The following FBXL17 variants were observed in gnomAD, a reference collection of about 807,000 sequenced individuals.
The protein encoded by FBXL17 is F-box and leucine rich repeat protein 17.
FBXL17 carries 22 observed loss-of-function variants against 66.2 expected under a neutral mutation model. The ratio of observed to expected loss-of-function variants is 0.33; its 90% CI spans 0.24 to 0.47. The LOEUF is 0.47. FBXL17 is among the 20% of genes least tolerant of loss of function. The pLI, the probability that FBXL17 is intolerant of heterozygous loss-of-function variation, is 1.00. For synonymous variants in FBXL17, 474 were observed against 400.5 expected (o/e 1.18, Z -2.19); for missense variants, 878 against 948.2 (o/e 0.93, Z 0.97).
At chr5:107,957,588 GT>G (rs1359949631) in intron 7 of FBXL17, among the ~76,000 whole-genome samples, 1 of 152,016 alleles carries the variant, frequency 6.6e-6, no homozygotes, top group Admixed American at 6.6e-5. Flanking sequence ...TGACATATGC[GT>G]TCTAAATTTG....
At position 108,009,194 on chromosome 5, in the gene FBXL17, CATATATATATATATATATAT is replaced by C. The variant is rs373679985; in HGVS notation, c.1822+11711_1822+11730del. On this transcript the variant is annotated intron_variant, in intron 7 of 8. Coordinates refer to ENST00000542267, the MANE Select transcript of FBXL17 (RefSeq NM_001163315.3). The stretch of plus-strand genomic sequence containing the variant: ...GTATGAACATAGTTCATTTGAAAAG[CATATATATATATATATATAT>C]ATATATATATATATATATACAGCTT... Among the ~76,000 whole-genome samples, 38 of 54,158 alleles carry C rather than the reference CATATATATATATATATATAT, an allele frequency of 7.0e-4. No individual in the cohort carries two copies. The South Asian group carries it at 0.032, about 45-fold the overall frequency. 35.5% of individuals were successfully genotyped at this position (54,158 alleles called of 152,430 possible).
chr5:108,020,150 C>G (rs1754534402), intron 7 of FBXL17, among the ~76,000 whole-genome samples: 1 of 151,656 alleles, frequency 6.6e-6, no homozygotes, highest in African/African-American at 2.4e-5. Flanking sequence ...AGAATATTCT[C>G]AAATTTAAAT....
chr5:107,893,744 GTC>G (rs2112521263), intron 7 of FBXL17, among the ~76,000 whole-genome samples: 1 of 152,274 alleles, frequency 6.6e-6, no homozygotes, highest in Admixed American at 6.5e-5. Context: ...ACTTTAATGA[GTC>G]TCTGACACCT....
At chr5:107,891,528 GCT>G (rs1749196361) in intron 7 of FBXL17, among the ~76,000 whole-genome samples, 1 of 152,150 alleles carries the variant, frequency 6.6e-6, no homozygotes, top group Non-Finnish European at 1.5e-5. Flanking sequence ...TTGGCCTAGG[GCT>G]GCATAATAGA....
intron 7 of FBXL17, among the ~76,000 whole-genome samples, chr5:107,918,570 T>C (rs933411816): frequency 6.6e-6 from 1 of 152,156 alleles, no homozygotes; most frequent in Non-Finnish European, 1.5e-5. Context: ...AACAAGAATA[T>C]GGATAAGTTT....
chr5:108,023,818 G>A (rs988055656), intron 6 of FBXL17, among the ~76,000 whole-genome samples: 19 of 152,148 alleles, frequency 1.2e-4, no homozygotes, highest in Non-Finnish European at 2.6e-4. Flanking sequence ...AGCAAGTTAA[G>A]AGGCATTTAT....
intron 7 of FBXL17, among the ~76,000 whole-genome samples, chr5:107,930,350 C>A (rs967706310): frequency 6.6e-6 from 1 of 152,158 alleles, no homozygotes; most frequent in Non-Finnish European, 1.5e-5. Context: ...AGTTTCTTTA[C>A]CCAGCTGTTC....
At chr5:108,191,060 T>C (rs1192709779) in intron 5 of FBXL17, among the ~76,000 whole-genome samples, 1 of 152,210 alleles carries the variant, frequency 6.6e-6, no homozygotes, top group African/African-American at 2.4e-5. Context: ...ATATGACTCT[T>C]AAACCTATAA....
At chr5:108,142,809 G>A (rs932571970) in intron 6 of FBXL17, among the ~76,000 whole-genome samples, 7 of 151,966 alleles carry the variant, frequency 4.6e-5, no homozygotes, top group East Asian at 1.9e-4. Context: ...TAAGCCTCCC[G>A]TCAGATCAGC....
intron 4 of FBXL17, among the ~76,000 whole-genome samples, chr5:108,325,143 C>T (rs913469381): frequency 6.6e-6 from 1 of 151,752 alleles, no homozygotes; most frequent in Admixed American, 6.6e-5. Context: ...ATGTACTCAC[C>T]GTCACTAAAC....
chr5:108,317,256 A>AT (rs1369025337), intron 4 of FBXL17, among the ~76,000 whole-genome samples: 1 of 151,308 alleles, frequency 6.6e-6, no homozygotes, highest in South Asian at 2.1e-4. Flanking sequence ...AATCTTCCTC[A>AT]TAACTTTTTA....
At chr5:108,009,892 C>T (rs1445972070) in intron 7 of FBXL17, among the ~76,000 whole-genome samples, 1 of 152,052 alleles carries the variant, frequency 6.6e-6, no homozygotes, top group African/African-American at 2.4e-5. Flanking sequence ...ATAAGATCAA[C>T]GTGTGGGATC....
intron 7 of FBXL17, among the ~76,000 whole-genome samples, chr5:107,913,027 G>T (rs774051924): frequency 6.6e-6 from 1 of 152,122 alleles, no homozygotes; most frequent in Non-Finnish European, 1.5e-5. Context: ...GCTAACATAA[G>T]ATTATAAGTG....
intron 7 of FBXL17, among the ~76,000 whole-genome samples, chr5:107,958,680 G>T (rs557882254): frequency 6.6e-6 from 1 of 152,142 alleles, no homozygotes; most frequent in South Asian, 2.1e-4. Flanking sequence ...CTCCTGGCAT[G>T]CCCCTAAAAC....
chr5:108,263,709 CAAT>C (rs906124415), intron 4 of FBXL17, among the ~76,000 whole-genome samples: 1 of 152,072 alleles, frequency 6.6e-6, no homozygotes, highest in African/African-American at 2.4e-5. Flanking sequence ...TATAATTAGT[CAAT>C]ATTATTTAAT....
At chr5:108,129,017 C>A (rs1044745180) in intron 6 of FBXL17, among the ~76,000 whole-genome samples, 1 of 151,950 alleles carries the variant, frequency 6.6e-6, no homozygotes, top group Non-Finnish European at 1.5e-5. Context: ...AGATTTTATA[C>A]CAATCATGAC....
At chr5:108,299,736 C>T (rs1055938917) in intron 4 of FBXL17, 2 of 984,638 alleles carry the variant, frequency 2.0e-6, no homozygotes, top group African/African-American at 3.5e-5. Context: ...AAGTTATCCA[C>T]TCTGCAGGAG....
intron 7 of FBXL17, among the ~76,000 whole-genome samples, chr5:107,923,340 G>A (rs548583095): frequency 1.3e-5 from 2 of 152,248 alleles, no homozygotes; most frequent in East Asian, 1.9e-4. Context: ...CTGTTATGGC[G>A]TTTTCATCCT....
At chr5:108,311,762 G>A (rs530577378) in intron 4 of FBXL17, among the ~76,000 whole-genome samples, 5 of 152,248 alleles carry the variant, frequency 3.3e-5, no homozygotes, top group Admixed American at 3.3e-4. Context: ...TTTGTGTCTT[G>A]TTAGTTGAAG....
Sources: allele counts gnomAD v4.1 joint callset (sites outside exome capture counted in the v4.1 genomes callset), GRCh38; gene constraint gnomAD v4.1.1; transcripts MANE v1.5; gene names NCBI Gene and HGNC (gene_info 2026-07-23, HGNC 2026-07-21).